Variants in LRMDA observed in about 807,000 individuals in gnomAD.
The protein encoded by LRMDA is leucine rich melanocyte differentiation associated.
LRMDA carries 18 observed loss-of-function variants against 29.8 expected under a neutral mutation model. That is an observed-to-expected ratio of 0.60 (90% CI 0.42 to 0.90). LRMDA has a LOEUF of 0.90. Among genes scored for constraint, LRMDA ranks in the 40% least tolerant of loss-of-function variants. The probability of loss-of-function intolerance (pLI) is 0.00; values close to 1 mark genes in which losing one functional copy is unlikely to be tolerated. For synonymous variants in LRMDA, 125 were observed against 109.4 expected (o/e 1.14, Z -0.89); for missense variants, 273 against 273.9 (o/e 1.00, Z 0.02).
At chr10:76,173,089 A>G (rs952507189) in intron 5 of LRMDA, among the ~76,000 whole-genome samples, 1 of 152,224 alleles carries the variant, frequency 6.6e-6, no homozygotes, top group Admixed American at 6.5e-5. Context: ...TCAGACCCAA[A>G]GCAAAATTCT....
At chr10:76,334,765 T>C (rs1840946799) in intron 6 of LRMDA, among the ~76,000 whole-genome samples, 1 of 152,226 alleles carries the variant, frequency 6.6e-6, no homozygotes, top group South Asian at 2.1e-4. Context: ...TTCAGGTCAC[T>C]GCAGGGGCCT....
intron 2 of LRMDA, among the ~76,000 whole-genome samples, chr10:75,685,207 A>G (rs1183300844): frequency 1.3e-5 from 2 of 152,110 alleles, no homozygotes; most frequent in Non-Finnish European, 2.9e-5. Context: ...ACAAATAGAA[A>G]GGTACTTTCA....
chr10:75,577,093 G>A (rs1320911547), intron 2 of LRMDA, among the ~76,000 whole-genome samples: 4 of 152,150 alleles, frequency 2.6e-5, no homozygotes, highest in African/African-American at 9.7e-5. Flanking sequence ...ACTCCTCCCA[G>A]CTAAAGGAGC....
chr10:76,342,766 GA>G (rs1390293649), intron 6 of LRMDA, among the ~76,000 whole-genome samples: 1 of 152,060 alleles, frequency 6.6e-6, no homozygotes, highest in Non-Finnish European at 1.5e-5. Flanking sequence ...AATTTTGTAG[GA>G]AAATATAATT....
intron 2 of LRMDA, among the ~76,000 whole-genome samples, chr10:75,649,412 C>G (rs1451507481): frequency 6.6e-6 from 1 of 152,214 alleles, no homozygotes; most frequent in Non-Finnish European, 1.5e-5. Context: ...CATGAGTGTA[C>G]AGATACCTCT....
chr10:76,019,250 A>G (rs1281328485), intron 2 of LRMDA, among the ~76,000 whole-genome samples: 2 of 152,118 alleles, frequency 1.3e-5, no homozygotes, highest in East Asian at 3.9e-4. Flanking sequence ...TTATTGTCAT[A>G]TGTGCATTTG....
chr10:75,977,489 G>T (rs551913936), intron 2 of LRMDA, among the ~76,000 whole-genome samples: 6 of 152,164 alleles, frequency 3.9e-5, no homozygotes, highest in Non-Finnish European at 8.8e-5. Context: ...CAGGAGCAAA[G>T]ATTTTCTGAA....
chr10:76,219,343 C>T (rs1851786762), intron 5 of LRMDA, among the ~76,000 whole-genome samples: 1 of 152,090 alleles, frequency 6.6e-6, no homozygotes, highest in East Asian at 1.9e-4. Flanking sequence ...ATTCGAGACC[C>T]ATCAGTGTGC....
At chr10:75,581,776 G>C (rs1240609310) in intron 2 of LRMDA, among the ~76,000 whole-genome samples, 1 of 151,676 alleles carries the variant, frequency 6.6e-6, no homozygotes, top group Non-Finnish European at 1.5e-5. Context: ...ACACACCAGG[G>C]CCTTTTAGGG....
intron 2 of LRMDA, among the ~76,000 whole-genome samples, chr10:75,514,180 T>TTTC (rs1554896067): frequency 7.2e-6 from 1 of 139,494 alleles, no homozygotes; most frequent in Non-Finnish European, 1.6e-5. Flanking sequence ...TTTTTTTTTT[T>TTTC]CCTTTCTTCT....
chr10:75,955,789 C>A (rs1766324744), intron 2 of LRMDA, among the ~76,000 whole-genome samples: 1 of 152,058 alleles, frequency 6.6e-6, no homozygotes, highest in African/African-American at 2.4e-5. Context: ...CTTGCTGAGC[C>A]CTATGCTGAG....
At chr10:75,434,122 A>G (rs1844238343) in intron 1 of LRMDA, among the ~76,000 whole-genome samples, 1 of 152,178 alleles carries the variant, frequency 6.6e-6, no homozygotes, top group African/African-American at 2.4e-5. Flanking sequence ...CCTCTAGCTT[A>G]TGACAACGTA....
intron 2 of LRMDA, among the ~76,000 whole-genome samples, chr10:75,517,320 TC>T (rs1210472843): frequency 1.3e-5 from 2 of 152,248 alleles, no homozygotes; most frequent in Non-Finnish European, 2.9e-5. Context: ...TATTGATTCT[TC>T]CTATCCTTGA....
intron 2 of LRMDA, among the ~76,000 whole-genome samples, chr10:75,627,122 A>G (rs1414376597): frequency 6.6e-6 from 1 of 152,254 alleles, no homozygotes; most frequent in Non-Finnish European, 1.5e-5. Context: ...TTACCCTTGC[A>G]AACAAGCTCT....
chr10:76,365,087 T>C (rs111532651), intron 6 of LRMDA, among the ~76,000 whole-genome samples: 505 of 14,538 alleles, frequency 0.035, 27 homozygotes, highest in Non-Finnish European at 0.075. Context: ...CACACACACA[T>C]ATATATATAT....
chr10:76,372,698 C>A (rs1347062482), intron 6 of LRMDA, among the ~76,000 whole-genome samples: 2 of 151,942 alleles, frequency 1.3e-5, no homozygotes, highest in African/African-American at 4.8e-5. Context: ...GTATATTCAG[C>A]ATCTTTTTTA....
intron 6 of LRMDA, among the ~76,000 whole-genome samples, chr10:76,519,412 G>C (rs1464792106): frequency 6.6e-6 from 1 of 152,078 alleles, no homozygotes; most frequent in African/African-American, 2.4e-5. Flanking sequence ...GTTCTTAATG[G>C]TAAAAAGTTA....
chr10:76,492,626 G>A (rs1368118902), intron 6 of LRMDA, among the ~76,000 whole-genome samples: 1 of 152,134 alleles, frequency 6.6e-6, no homozygotes, highest in East Asian at 1.9e-4. Flanking sequence ...TTTTCATACT[G>A]CTATGAAGAA....
intron 2 of LRMDA, among the ~76,000 whole-genome samples, chr10:75,710,360 C>A (rs1842421366): frequency 6.6e-6 from 1 of 152,098 alleles, no homozygotes; most frequent in Non-Finnish European, 1.5e-5. Flanking sequence ...TTGTTTTCAG[C>A]CATCATTACT....
Sources: gnomAD v4.1 joint callset for allele counts (sites outside exome capture counted in the v4.1 genomes callset) on GRCh38, gnomAD v4.1.1 for gene constraint, MANE v1.5 for transcripts, NCBI Gene and HGNC (gene_info 2026-07-23, HGNC 2026-07-21) for gene names.